SOS2: variants seen among roughly 807,000 people sequenced by gnomAD.
SOS2 encodes the protein SOS Ras/Rho guanine nucleotide exchange factor 2.
SOS2 carries 65 observed loss-of-function variants against 148.2 expected under a neutral mutation model. That is an observed-to-expected ratio of 0.44 (90% CI 0.36 to 0.54). The LOEUF is 0.54. Ranked by LOEUF, SOS2 falls within the 20% of genes least tolerant of loss-of-function variation. The pLI, the probability that SOS2 is intolerant of heterozygous loss-of-function variation, is 0.00. For synonymous variants in SOS2, 539 were observed against 537.1 expected (o/e 1.00, Z -0.05); for missense variants, 1,341 against 1,590.2 (o/e 0.84, Z 2.67).
chr14:50,220,405 C>CAAAAAAAA (rs367829144), intron 1 of SOS2, among the ~76,000 whole-genome samples: 2 of 30,446 alleles, frequency 6.6e-5, no homozygotes, highest in African/African-American at 1.4e-4. Context: ...GACTCCATCT[C>CAAAAAAAA]AAAAAAAAAA....
Position 50,155,273 on chromosome 14 carries a change from T to C in SOS2, c.2057+1726A>G, listed in dbSNP as rs140282238. Among the ~76,000 whole-genome samples, 73 of 152,282 alleles carry C rather than the reference T, an allele frequency of 4.8e-4. 2 individuals carry two copies. Among genetic ancestry groups the C allele is most frequent in the African/African-American group, 1.7e-3 (71 of 41,562 alleles). On this transcript the variant is annotated intron_variant, in intron 12 of 22. Coordinates refer to ENST00000216373, the MANE Select transcript of SOS2 (RefSeq NM_006939.4). Reference sequence around the variant, plus strand: ...TATTTATATAAACAGGTTTAATAACTTGGCTTGGATTTCACAGTTTTCCAC... The same window carrying C: ...TATTTATATAAACAGGTTTAATAACCTGGCTTGGATTTCACAGTTTTCCAC...
chr14:50,166,747 G>C (rs539469743), intron 8 of SOS2, among the ~76,000 whole-genome samples: 1 of 152,236 alleles, frequency 6.6e-6, no homozygotes, highest in East Asian at 1.9e-4. Context: ...TGTGCCCACA[G>C]CAAGGGGAAT....
At chr14:50,203,541 T>C (rs1595020612) in intron 2 of SOS2, among the ~76,000 whole-genome samples, 2 of 152,160 alleles carry the variant, frequency 1.3e-5, no homozygotes, top group African/African-American at 2.4e-5. Flanking sequence ...AATACTCCCA[T>C]GTAACCAAGG....
At chr14:50,130,466 C>T (rs770345162) in intron 20 of SOS2, 35 bp downstream of exon 20, 1 of 1,572,780 alleles carries the variant, frequency 6.4e-7, no homozygotes, top group South Asian at 1.2e-5. Context: ...ACACAGGATT[C>T]CTTTTTTACC....
chr14:50,135,089 A>AAAAGAAAGAAAGAAAGAAAGAAAG (rs536084984), intron 18 of SOS2, among the ~76,000 whole-genome samples: 169 of 131,528 alleles, frequency 1.3e-3, no homozygotes, highest in Non-Finnish European at 2.2e-3. Flanking sequence ...AAAAAAAAAA[A>AAAAGAAAGAAAGAAAGAAAGAAAG]AAAGAAAGAA....
intron 16 of SOS2, among the ~76,000 whole-genome samples, chr14:50,141,146 G>A (rs1026821740): frequency 1.7e-4 from 24 of 142,468 alleles, no homozygotes; most frequent in Admixed American, 2.3e-4. Flanking sequence ...GGAGCTTGCC[G>A]TGAGCCGAGA....
At position 50,140,021 on chromosome 14, in the gene SOS2, A is replaced by C; in HGVS notation, c.2706T>G (p.Ala902=). The stretch of plus-strand genomic sequence containing the variant: ...TAAAGTGATCTTGACTTAATTCCAC[A>C]GCTTCGTCCAAAATTTTCCTTTTCC... ...QERKRKILDE[A]VELSQDHFKK... The change falls in exon 17 of 23, where the codon GCT becomes GCG. Residue 902 remains alanine, a synonymous_variant. Transcript: ENST00000216373. 2 of 1,606,146 alleles carry C rather than the reference A, an allele frequency of 1.2e-6. No individual in the cohort carries two copies. The highest frequency in any genetic ancestry group is 1.7e-6 in the Non-Finnish European group (2 of 1,174,364).
intron 8 of SOS2, among the ~76,000 whole-genome samples, chr14:50,164,285 C>G (rs1885103785): frequency 6.6e-6 from 1 of 151,754 alleles, no homozygotes; most frequent in African/African-American, 2.4e-5. Context: ...ACAAAAAATA[C>G]AAAAATTAGC....
intron 19 of SOS2, 125 bp from the exon 20 acceptor site, chr14:50,130,887 C>T (rs924416631): frequency 4.2e-6 from 3 of 710,322 alleles, no homozygotes; most frequent in Non-Finnish European, 6.8e-6. Context: ...TGCAGTCCTT[C>T]AGTCTGCAAT....
chr14:50,174,881 T>C (rs952390005), intron 7 of SOS2, among the ~76,000 whole-genome samples: 5 of 152,218 alleles, frequency 3.3e-5, no homozygotes, highest in Non-Finnish European at 7.3e-5. Context: ...TTTTAAAATG[T>C]TTTAAATTTA....
At chr14:50,211,063 C>T (rs534525663) in intron 1 of SOS2, among the ~76,000 whole-genome samples, 80 of 151,764 alleles carry the variant, frequency 5.3e-4, no homozygotes, top group African/African-American at 1.7e-3. Context: ...GATAGATTTA[C>T]ATATATTTCT....
At chr14:50,178,631 C>T (rs1885604100) in intron 7 of SOS2, among the ~76,000 whole-genome samples, 2 of 148,518 alleles carry the variant, frequency 1.3e-5, no homozygotes, top group Admixed American at 6.8e-5. Context: ...TACAGGTGTG[C>T]ACCACCATGC....
At chr14:50,123,104 T>C (rs1883572831) in intron 21 of SOS2, among the ~76,000 whole-genome samples, 1 of 152,004 alleles carries the variant, frequency 6.6e-6, no homozygotes, top group Non-Finnish European at 1.5e-5. Context: ...GCAACATAAA[T>C]AGGGTGATTA....
rs1174938001 is a variant in SOS2, at chr14:50,120,400, A to T, written c.3380-16T>A. 4 of 1,183,838 alleles carry T rather than the reference A, an allele frequency of 3.4e-6. No individual in the cohort carries two copies. The highest frequency in any genetic ancestry group is 5.0e-6 in the Non-Finnish European group (4 of 794,928). 73.3% of individuals were successfully genotyped at this position (1,183,838 alleles called of 1,614,324 possible). A position where few individuals can be genotyped will look rare whatever the true frequency, so the allele number is the denominator to read the frequency against. ...AAGAAAGACTCTGGGGGAGAAAAAG[A>T]CTAGTTTAACCACAATTCACAGTAT... On this transcript the variant is annotated splice_polypyrimidine_tract_variant and intron_variant, in intron 21 of 22. Transcript: ENST00000216373.
At chr14:50,141,778 T>C (rs1158145515) in intron 16 of SOS2, among the ~76,000 whole-genome samples, 3 of 152,256 alleles carry the variant, frequency 2.0e-5, no homozygotes, top group South Asian at 2.1e-4. Context: ...CTAAAATGTA[T>C]ATAGGAGAAC....
At chr14:50,219,238 G>A (rs895660777) in intron 1 of SOS2, among the ~76,000 whole-genome samples, 1 of 151,908 alleles carries the variant, frequency 6.6e-6, no homozygotes, top group Non-Finnish European at 1.5e-5. Flanking sequence ...AATATACATA[G>A]CAGCTTTATT....
intron 8 of SOS2, among the ~76,000 whole-genome samples, chr14:50,172,935 G>T (rs1292279739): frequency 1.3e-5 from 2 of 152,132 alleles, no homozygotes; most frequent in Non-Finnish European, 2.9e-5. Context: ...AAGAACTTCT[G>T]TCTACTTTCA....
At chr14:50,180,861 GA>G (rs1885710451) in intron 6 of SOS2, among the ~76,000 whole-genome samples, 179 bp from the exon 7 acceptor site, 1 of 150,256 alleles carries the variant, frequency 6.7e-6, no homozygotes, top group African/African-American at 2.4e-5. Flanking sequence ...AGAAAGAAAT[GA>G]AAAGAAAAAA....
chr14:50,170,388 C>T lies in SOS2; in HGVS notation c.1068+4066G>A, dbSNP rs73285506. On this transcript the variant is annotated intron_variant, in intron 8 of 22. Coordinates refer to ENST00000216373, the MANE Select transcript of SOS2 (RefSeq NM_006939.4). ...AACTTTATAACATAATTCTTATATCCAAAGAAAAAAAATATAGCCAGGTAT... is the reference window on the plus strand; with the variant it reads ...AACTTTATAACATAATTCTTATATCTAAAGAAAAAAAATATAGCCAGGTAT... 9.2e-3 allele frequency among the ~76,000 whole-genome samples: 1,388 copies of T among 151,630 alleles called. 19 individuals are homozygous for T. The highest frequency in any genetic ancestry group is 0.032 in the African/African-American group (1,323 of 41,314).
Sources: allele counts gnomAD v4.1 joint callset (sites outside exome capture counted in the v4.1 genomes callset), GRCh38; gene constraint gnomAD v4.1.1; transcripts MANE v1.5; gene names NCBI Gene and HGNC (gene_info 2026-07-23, HGNC 2026-07-21).